The following AK9 variants were observed in gnomAD, a reference collection of about 807,000 sequenced individuals.
AK9 encodes adenylate kinase 9.
AK9 carries 191 observed loss-of-function variants against 239.6 expected under a neutral mutation model. The ratio of observed to expected loss-of-function variants is 0.80; its 90% confidence interval spans 0.71 to 0.90. The LOEUF (loss-of-function observed/expected upper bound fraction) is 0.90, where lower values mean the gene tolerates loss of function less well. Ranked by LOEUF, AK9 falls within the 40% of genes least tolerant of loss-of-function variation. AK9 has a pLI of 0.00. For synonymous variants in AK9, 689 were observed against 721.0 expected, an observed-to-expected ratio of 0.96 and a Z score of 0.71; for missense variants, 1,995 against 2,214.7, an observed-to-expected ratio of 0.90 and a Z score of 1.99.
chr6:109,666,784 C>A (rs774911675), intron 5 of AK9, among the ~76,000 whole-genome samples: 15 of 152,224 alleles, frequency 9.9e-5, no homozygotes, highest in Non-Finnish European at 2.2e-4. Context: ...ACCCATCTGA[C>A]CTCTGGCCAG....
intron 35 of AK9, among the ~76,000 whole-genome samples, chr6:109,500,020 G>A (rs1439198943): frequency 1.5e-5 from 2 of 137,116 alleles, no homozygotes; most frequent in Non-Finnish European, 3.1e-5. Flanking sequence ...AGCTATTATA[G>A]ACTATATATA....
intron 5 of AK9, among the ~76,000 whole-genome samples, chr6:109,669,965 T>G (rs765044508): frequency 1.3e-5 from 2 of 152,168 alleles, no homozygotes; most frequent in African/African-American, 2.4e-5. Flanking sequence ...CAGGAAACCA[T>G]TTATATCACT....
intron 21 of AK9, among the ~76,000 whole-genome samples, chr6:109,570,232 A>G (rs1310836954): frequency 6.6e-6 from 1 of 151,962 alleles, no homozygotes; most frequent in Non-Finnish European, 1.5e-5. Flanking sequence ...TTGAACAATG[A>G]GAACACTTGG....
chr6:109,575,107 T>C (rs1387318100), intron 20 of AK9, among the ~76,000 whole-genome samples: 2 of 152,190 alleles, frequency 1.3e-5, no homozygotes, highest in Non-Finnish European at 2.9e-5. Context: ...ATCCACTCGG[T>C]TGATGGCATT....
intron 17 of AK9, among the ~76,000 whole-genome samples, chr6:109,591,166 T>G: frequency 6.6e-6 from 1 of 152,090 alleles, no homozygotes; most frequent in Non-Finnish European, 1.5e-5. Flanking sequence ...TTTTCTTAGG[T>G]CTAGTTGTAT....
In AK9 at chr6:109,515,905, G is replaced by C; in HGVS notation, c.4017C>G (p.Thr1339=). The change falls in exon 31 of 41, where the codon ACC becomes ACG. Residue 1339 remains threonine, a synonymous_variant. Coordinates refer to ENST00000424296, the MANE Select transcript of AK9 (RefSeq NM_001145128.3). ...ATGAGCTTATATACTTGTAGGTAAA[G>C]GTGAGCATTTTCTGGGCAAGGGGTG... ...IPAPLAQKML[T]FTYKYISSFG... The C allele has an allele frequency of 6.4e-7, 1 of 1,551,748 alleles. No homozygotes were observed. Among genetic ancestry groups the C allele is most frequent in the Non-Finnish European group, 8.7e-7 (1 of 1,146,888 alleles).
intron 17 of AK9, among the ~76,000 whole-genome samples, chr6:109,605,092 GTTA>G (rs1792658892): frequency 6.6e-6 from 1 of 152,084 alleles, no homozygotes; most frequent in African/African-American, 2.4e-5. Flanking sequence ...AATTATTCCT[GTTA>G]TTATGTTTCA....
At chr6:109,678,798 C>T (rs1380055551) in intron 1 of AK9, among the ~76,000 whole-genome samples, 2 of 152,094 alleles carry the variant, frequency 1.3e-5, no homozygotes, top group Admixed American at 6.6e-5. Context: ...GGATGCAGCT[C>T]ATGGAGGGTA....
intron 17 of AK9, among the ~76,000 whole-genome samples, chr6:109,603,882 T>G (rs939079730): frequency 6.6e-6 from 1 of 152,194 alleles, no homozygotes; most frequent in African/African-American, 2.4e-5. Flanking sequence ...AGGCGCAGGA[T>G]ATAATTTCCT....
intron 17 of AK9, among the ~76,000 whole-genome samples, chr6:109,600,558 GC>G (rs1791792704): frequency 6.6e-6 from 1 of 152,094 alleles, no homozygotes; most frequent in Non-Finnish European, 1.5e-5. Context: ...TTGTGTCTCT[GC>G]CAGGCTTTGG....
intron 8 of AK9, among the ~76,000 whole-genome samples, chr6:109,649,487 G>C (rs371426989): frequency 6.6e-6 from 1 of 152,078 alleles, no homozygotes; most frequent in Non-Finnish European, 1.5e-5. Flanking sequence ...ATTCACAATT[G>C]CTTCGAAGAG....
chr6:109,557,956 T>C (rs1348660778), intron 24 of AK9, among the ~76,000 whole-genome samples: 1 of 152,218 alleles, frequency 6.6e-6, no homozygotes, highest in Non-Finnish European at 1.5e-5. Context: ...TAGTGTCTCA[T>C]TGTGATTTTA....
rs144702476 is a variant in AK9 at position 109,591,509 on chromosome 6, C to T, written c.1843-5437G>A. 1.1e-3 allele frequency among the ~76,000 whole-genome samples: 169 copies of T among 152,072 alleles called. 1 individual carries two copies. Among genetic ancestry groups the T allele is most frequent in the African/African-American group, 4.0e-3 (166 of 41,508 alleles). On this transcript the variant is annotated intron_variant, in intron 17 of 40. Coordinates refer to ENST00000424296, the MANE Select transcript of AK9 (RefSeq NM_001145128.3). ...TATCTTTTAAGTGGAGCATTTAGCC[C>T]ATTTATGTTTAATGTTAGTATTATA...
At chr6:109,660,712 A>G (rs1800307514) in intron 6 of AK9, among the ~76,000 whole-genome samples, 1 of 152,182 alleles carries the variant, frequency 6.6e-6, no homozygotes, top group Admixed American at 6.5e-5. Context: ...TGACTAATGA[A>G]AGTGTGAGTC....
chr6:109,510,741 C>A (rs918908921), intron 32 of AK9, among the ~76,000 whole-genome samples: 1 of 152,176 alleles, frequency 6.6e-6, no homozygotes, highest in African/African-American at 2.4e-5. Flanking sequence ...GGATGCAGGA[C>A]AAGAATTTGG....
chr6:109,605,804 C>T (rs1322229773), intron 17 of AK9, among the ~76,000 whole-genome samples: 1 of 152,092 alleles, frequency 6.6e-6, no homozygotes, highest in African/African-American at 2.4e-5. Flanking sequence ...ATCGGCCACA[C>T]AGCTTTATTT....
At chr6:109,646,712 A>G (rs1583408049) in intron 8 of AK9, among the ~76,000 whole-genome samples, 1 of 152,206 alleles carries the variant, frequency 6.6e-6, no homozygotes, top group Non-Finnish European at 1.5e-5. Context: ...AGGCAGGCCA[A>G]CATTCAAATT....
At chr6:109,645,003 A>G (rs1797863535) in intron 8 of AK9, among the ~76,000 whole-genome samples, 1 of 152,230 alleles carries the variant, frequency 6.6e-6, no homozygotes, top group Admixed American at 6.5e-5. Flanking sequence ...TTTCTAAACC[A>G]TGGAAGCATC....
intron 29 of AK9, 67 bp downstream of exon 29, chr6:109,528,944 G>C (rs948907183): frequency 1.9e-6 from 3 of 1,578,040 alleles, no homozygotes; most frequent in Non-Finnish European, 2.6e-6. Flanking sequence ...CTATGATTGT[G>C]CCACTGTACC....
Sources: gnomAD v4.1 joint callset for allele counts (sites outside exome capture counted in the v4.1 genomes callset) on GRCh38, gnomAD v4.1.1 for gene constraint, MANE v1.5 for transcripts, NCBI Gene and HGNC (gene_info 2026-07-23, HGNC 2026-07-21) for gene names.